The following ANKFN1 variants were observed in gnomAD, a reference collection of about 807,000 sequenced individuals.
ANKFN1 encodes ankyrin repeat and fibronectin type-III domain-containing protein 1.
In ANKFN1, 74 loss-of-function variants were observed where a neutral mutation model predicts 108.7. The ratio of observed to expected loss-of-function variants is 0.68; its 90% CI spans 0.56 to 0.83. ANKFN1 has a LOEUF of 0.83. Ranked by LOEUF, ANKFN1 falls within the 40% of genes least tolerant of loss-of-function variation. ANKFN1 has a pLI of 0.00. For missense variants in ANKFN1, 1,505 were observed against 1,382.3 expected (o/e 1.09, Z -1.41); for synonymous variants, 547 against 516.2 (o/e 1.06, Z -0.81).
intron 4 of ANKFN1, among the ~76,000 whole-genome samples, chr17:56,136,064 C>G (rs539490549): frequency 6.6e-6 from 1 of 152,164 alleles, no homozygotes; most frequent in East Asian, 1.9e-4. Context: ...TAAAAGAACC[C>G]CATTATTATT....
Position 56,163,032 on chromosome 17 carries a change from T to C in ANKFN1, c.-71+9502T>C, listed in dbSNP as rs144532903. On this transcript the variant is annotated intron_variant, in intron 1 of 20. Coordinates refer to ENST00000682825, the MANE Select transcript of ANKFN1 (RefSeq NM_001370326.1). The stretch of plus-strand genomic sequence containing the variant: ...CCTGGGTGACGAGAGTGAGACTCCA[T>C]CTCAAAAAAAAAAAGAAAAAAAGAA... Among the ~76,000 whole-genome samples the C allele has an allele frequency of 2.0e-3, 286 of 143,522 alleles. 1 individual carries two copies. The highest frequency in any genetic ancestry group is 3.0e-3 in the Non-Finnish European group (197 of 66,560). The allele number at this position is 143,522 out of a possible 152,430, so 94.2% of individuals were successfully genotyped here.
chr17:56,080,351 T>G (rs900944547), intron 4 of ANKFN1, among the ~76,000 whole-genome samples: 2 of 152,196 alleles, frequency 1.3e-5, no homozygotes, highest in Non-Finnish European at 2.9e-5. Flanking sequence ...TGACTTGTAA[T>G]TGGGAGAAAC....
Position 56,251,899 on chromosome 17 carries a change from A to C in ANKFN1, c.53+23942A>C, listed in dbSNP as rs929932562. ...TATTCATCCACTCATTCATCCTTCT[A>C]TCTATTTAGTAAATGCTTACTGCAT... On this transcript the variant is annotated intron_variant, in intron 3 of 20. Coordinates refer to ENST00000682825, the MANE Select transcript of ANKFN1 (RefSeq NM_001370326.1). Among the ~76,000 whole-genome samples, 89 of 152,226 alleles carry C rather than the reference A, an allele frequency of 5.8e-4. 7 individuals are homozygous for C. Among genetic ancestry groups the C allele is most frequent in the Non-Finnish European group, 1.5e-5 (1 of 68,036 alleles).
intron 4 of ANKFN1, among the ~76,000 whole-genome samples, chr17:56,081,780 T>C (rs976272425): frequency 6.6e-6 from 1 of 152,182 alleles, no homozygotes; most frequent in Non-Finnish European, 1.5e-5. Context: ...GCAAGCACAG[T>C]GCGTTTAGGA....
At chr17:56,392,376 A>T (rs1029564874) in intron 8 of ANKFN1, among the ~76,000 whole-genome samples, 4 of 152,176 alleles carry the variant, frequency 2.6e-5, no homozygotes, top group African/African-American at 9.7e-5. Flanking sequence ...CCTGTTCACG[A>T]TGGCAAGCCA....
chr17:56,426,211 G>C (rs1267615441), intron 8 of ANKFN1, among the ~76,000 whole-genome samples: 1 of 152,130 alleles, frequency 6.6e-6, no homozygotes, highest in Non-Finnish European at 1.5e-5. Context: ...GTCCCACCTT[G>C]GTTACTTTAG....
chr17:56,513,608 A>G lies in ANKFN1; in HGVS notation c.*2339A>G, dbSNP rs1051162429. On this transcript the variant is annotated 3_prime_UTR_variant, in exon 21 of 21. Transcript: ENST00000682825. ...CTGAATCAGGTGGGAGGCATTCAAC[A>G]AACAGGAGAGGCAGAAACTGACCCA... Among the ~76,000 whole-genome samples, 5 of 152,178 alleles carry G rather than the reference A, an allele frequency of 3.3e-5. No homozygotes were observed. The highest frequency in any genetic ancestry group is 1.2e-4 in the African/African-American group (5 of 41,444).
At chr17:56,491,432 C>T (rs1423727786) in intron 18 of ANKFN1, among the ~76,000 whole-genome samples, 3 of 152,160 alleles carry the variant, frequency 2.0e-5, no homozygotes, top group Non-Finnish European at 4.4e-5. Context: ...GGAAATCTGA[C>T]CATCTCAAGC....
At chr17:56,441,215 C>T (rs777302530) in intron 9 of ANKFN1, among the ~76,000 whole-genome samples, 3 of 151,850 alleles carry the variant, frequency 2.0e-5, no homozygotes, top group African/African-American at 4.8e-5. Flanking sequence ...CTTTTTCAGT[C>T]CAATTCAAAT....
At chr17:56,367,994 G>A in intron 6 of ANKFN1, 2 of 251,524 alleles carry the variant, frequency 8.0e-6, no homozygotes, top group East Asian at 8.4e-5. Context: ...TCATGAATAA[G>A]TCATCCCATC....
intron 19 of ANKFN1, among the ~76,000 whole-genome samples, chr17:56,498,000 G>A (rs1023272188): frequency 2.6e-5 from 4 of 152,070 alleles, no homozygotes; most frequent in African/African-American, 9.7e-5. Flanking sequence ...TATATACAGA[G>A]AGACACAAAA....
At chr17:56,149,600 C>T (rs1278356535), upstream of ANKFN1, among the ~76,000 whole-genome samples, 1 of 152,194 alleles carries the variant, frequency 6.6e-6, no homozygotes, top group Non-Finnish European at 1.5e-5. Context: ...GTGCCAGTGC[C>T]TTTACAGGTG....
chr17:56,338,084 A>C (rs2045864674), intron 4 of ANKFN1, among the ~76,000 whole-genome samples: 1 of 152,212 alleles, frequency 6.6e-6, no homozygotes, highest in African/African-American at 2.4e-5. Context: ...CTGGATTAAG[A>C]AAATGTGGCA....
intron 4 of ANKFN1, among the ~76,000 whole-genome samples, chr17:56,334,331 G>C (rs529150758): frequency 6.6e-6 from 1 of 151,814 alleles, no homozygotes; most frequent in South Asian, 2.1e-4. Context: ...TTTTAATCAG[G>C]GGAGGGGGGA....
At chr17:56,414,793 C>T (rs2048192069) in intron 8 of ANKFN1, among the ~76,000 whole-genome samples, 1 of 152,104 alleles carries the variant, frequency 6.6e-6, no homozygotes, top group Non-Finnish European at 1.5e-5. Context: ...CCGAGATGGG[C>T]AGATTGCTTA....
chr17:56,465,537 G>A (rs1310051565), intron 14 of ANKFN1, among the ~76,000 whole-genome samples: 2 of 152,190 alleles, frequency 1.3e-5, no homozygotes, highest in Admixed American at 6.5e-5. Context: ...ACAGCTAGGA[G>A]CTCTAGGATG....
intron 1 of ANKFN1, among the ~76,000 whole-genome samples, chr17:56,201,132 C>T (rs950888801): frequency 2.0e-5 from 3 of 152,144 alleles, no homozygotes; most frequent in African/African-American, 7.2e-5. Flanking sequence ...ATTACTGTTG[C>T]CTTTCATTGC....
At chr17:56,281,052 C>G (rs1042970027) in intron 3 of ANKFN1, among the ~76,000 whole-genome samples, 1 of 152,144 alleles carries the variant, frequency 6.6e-6, no homozygotes, top group Non-Finnish European at 1.5e-5. Flanking sequence ...TGAGGCCTCC[C>G]CAGCCATGTG....
rs2145284424 is a variant in ANKFN1, at chr17:56,466,406, A to G, written c.1608A>G (p.Lys536=). 1 of 1,614,208 alleles carries G rather than the reference A, an allele frequency of 6.2e-7. No individual in the cohort carries two copies. The highest frequency in any genetic ancestry group is 2.2e-5 in the East Asian group (1 of 44,880). Reference sequence around the variant, plus strand: ...GAAGAGTTTACTATGAGCCCATTAAAGATCGACATGGAAACATACTCATAG... The same window carrying G: ...GAAGAGTTTACTATGAGCCCATTAAGGATCGACATGGAAACATACTCATAG... ...NLGRVYYEPI[K]DRHGNILIVT... is the part of the protein sequence containing the mutation. Residue 536 remains lysine (K), a synonymous_variant, in exon 15 of 21, where the codon AAA becomes AAG. Transcript: ENST00000682825.
Sources: allele counts gnomAD v4.1 joint callset (sites outside exome capture counted in the v4.1 genomes callset), GRCh38; gene constraint gnomAD v4.1.1; transcripts MANE v1.5; gene names NCBI Gene and HGNC (gene_info 2026-07-23, HGNC 2026-07-21).